The following TRIM26 variants were observed in gnomAD, a reference collection of about 807,000 sequenced individuals.
TRIM26 encodes the protein tripartite motif-containing protein 26.
In TRIM26, 16 loss-of-function variants were observed where a neutral mutation model predicts 45.5. The ratio of observed to expected loss-of-function variants is 0.35; its 90% CI spans 0.24 to 0.53. TRIM26 has a LOEUF of 0.53. Ranked by LOEUF, TRIM26 falls within the 20% of genes least tolerant of loss-of-function variation. The pLI is 0.92. For synonymous variants in TRIM26, 273 were observed against 290.4 expected (o/e 0.94, Z 0.61); for missense variants, 442 against 691.1 (o/e 0.64, Z 4.04).
rs1008764783 is a variant in TRIM26, at chr6:30,189,712, T to C, written c.789-179A>G. The C allele has an allele frequency of 5.7e-5, 37 of 645,256 alleles. No homozygotes were observed. Among genetic ancestry groups the C allele is most frequent in the African/African-American group, 1.1e-4 (6 of 54,828 alleles). The allele number at this position is 645,256 out of a possible 1,614,324, so 40.0% of individuals were successfully genotyped here. On this transcript the variant is annotated intron_variant, in intron 7 of 9. Coordinates refer to ENST00000454678, the MANE Select transcript of TRIM26 (RefSeq NM_003449.5). The surrounding 1 kb of genome is among the most constrained non-coding windows in gnomAD (Gnocchi z 5.0). ...CTGAACCAGGGCTTCAGAACATCAG[T>C]AGACTCCACATCCAGGGCGCTCTGT...
At position 30,209,070 on chromosome 6, in the gene TRIM26, T is replaced by A. The variant is rs1033747773; in HGVS notation, c.-376+4235A>T. Among the ~76,000 whole-genome samples, 15 of 152,220 alleles carry A rather than the reference T, an allele frequency of 9.9e-5. No homozygotes were observed. The highest frequency in any genetic ancestry group is 3.4e-4 in the African/African-American group (14 of 41,532). On this transcript the variant is annotated intron_variant, in intron 1 of 9. Transcript: ENST00000454678. This position sits in a 1 kb window ranked among gnomAD's most constrained non-coding sequence, Gnocchi z 4.8. Reference sequence around the variant, plus strand: ...AACCAGTAAATGTTGTAAATGTTTATCTTTGGGGAGAGAAGGGGAAGGGCC... The same window carrying A: ...AACCAGTAAATGTTGTAAATGTTTAACTTTGGGGAGAGAAGGGGAAGGGCC...
chr6:30,193,319 T>G (rs1305317510), intron 6 of TRIM26, among the ~76,000 whole-genome samples: 2 of 149,892 alleles, frequency 1.3e-5, no homozygotes, highest in Non-Finnish European at 3.0e-5. Context: ...GTAGCTGGGA[T>G]TATAGGTGCG....
At position 30,191,040 on chromosome 6, in the gene TRIM26, G is replaced by A. The variant is rs549594340; in HGVS notation, c.766-1005C>T. Among the ~76,000 whole-genome samples the A allele has an allele frequency of 3.9e-5, 6 of 152,268 alleles. No homozygotes were observed. The South Asian group carries it at 1.0e-3, about 26-fold the overall frequency. ...AGGTTGGTCCGGAGGCTTTTGCCGT[G>A]GACCAGGGGAGAGCTAAAGATGGCC... On this transcript the variant is annotated intron_variant, in intron 6 of 9. Transcript: ENST00000454678.
In TRIM26 at chr6:30,205,581, T is replaced by A. The variant is rs1372057494; in HGVS notation, c.-375-816A>T. On this transcript the variant is annotated intron_variant, in intron 1 of 9. Transcript: ENST00000454678. ...AGCCGGGCACGGGGGCTTGTGCCTG[T>A]AATTCCAGCACTGTGGGAGGCTAAG... is the stretch of plus-strand genomic sequence containing the variant. 2.0e-5 allele frequency among the ~76,000 whole-genome samples: 3 copies of A among 152,216 alleles called. No homozygotes were observed. In the East Asian group the frequency reaches 5.8e-4, roughly 29 times the overall value.
In TRIM26 at chr6:30,199,209, G is replaced by A; in HGVS notation, c.-106C>T. The A allele has an allele frequency of 8.6e-7, 1 of 1,157,980 alleles. No individual in the cohort carries two copies. Among genetic ancestry groups the A allele is most frequent in the Non-Finnish European group, 1.2e-6 (1 of 838,310 alleles). The allele number at this position is 1,157,980 out of a possible 1,614,324, so 71.7% of individuals were successfully genotyped here. A position where few individuals can be genotyped will look rare whatever the true frequency, so the allele number is the denominator to read the frequency against. ...GCACAGTAAAGGGGCAAAGGTGGCA[G>A]CCTGCACAGGGCTGCCAGCTCCAGC... On this transcript the variant is annotated 5_prime_UTR_variant, in exon 4 of 10. Transcript: ENST00000454678.
chr6:30,201,615 G>C (rs966293809), intron 2 of TRIM26, among the ~76,000 whole-genome samples: 3 of 152,164 alleles, frequency 2.0e-5, no homozygotes, highest in African/African-American at 7.2e-5. Flanking sequence ...GGAGGCCGAG[G>C]CAGGTGAATC....
At chr6:30,204,347 A>G (rs1190941188) in intron 2 of TRIM26, among the ~76,000 whole-genome samples, 2 of 152,192 alleles carry the variant, frequency 1.3e-5, no homozygotes, top group African/African-American at 4.8e-5. Flanking sequence ...GGTCATCTAC[A>G]TGGAAGGGCT....
At position 30,189,080 on chromosome 6, in the gene TRIM26, C is replaced by G; in HGVS notation, c.937+87G>C. On this transcript the variant is annotated intron_variant, in intron 9 of 9. Coordinates refer to ENST00000454678, the MANE Select transcript of TRIM26 (RefSeq NM_003449.5). This position sits in a 1 kb window ranked among gnomAD's most constrained non-coding sequence, Gnocchi z 5.0. ...TTCTTCCTGTTGCAAAAGGGGCTAC[C>G]TGGGGGAAAAGTGAGCAGTCAGAAT... 6.8e-7 allele frequency: 1 copy of G among 1,468,434 alleles called. No individual in the cohort carries two copies. The highest frequency in any genetic ancestry group is 1.3e-5 in the South Asian group (1 of 77,864). 91.0% of individuals were successfully genotyped at this position (1,468,434 alleles called of 1,614,324 possible).
In TRIM26 at chr6:30,193,182, A is replaced by ATTTT. The variant is rs59857727; in HGVS notation, c.766-3151_766-3148dup. ...TGTGTGTATATATATATATATATATATTTTTTTTTTTTTTTTTTTAATGGA... is the reference window on the plus strand; with the variant it reads ...TGTGTGTATATATATATATATATATATTTTTTTTTTTTTTTTTTTTTTTAATGGA... On this transcript the variant is annotated intron_variant, in intron 6 of 9. Coordinates refer to ENST00000454678, the MANE Select transcript of TRIM26 (RefSeq NM_003449.5). Among the ~76,000 whole-genome samples the ATTTT allele has an allele frequency of 3.4e-3, 130 of 38,794 alleles. 6 individuals carry two copies. The highest frequency in any genetic ancestry group is 5.7e-3 in the African/African-American group (47 of 8,182). 25.5% of individuals were successfully genotyped at this position (38,794 alleles called of 152,430 possible).
intron 5 of TRIM26, among the ~76,000 whole-genome samples, chr6:30,197,595 A>G (rs1296864290): frequency 6.6e-6 from 1 of 152,212 alleles, no homozygotes; most frequent in Non-Finnish European, 1.5e-5. Flanking sequence ...GTCCCTTGGT[A>G]TCAGTGGGTG....
chr6:30,208,458 C>T lies in TRIM26; in HGVS notation c.-375-3693G>A, dbSNP rs7775373. Among the ~76,000 whole-genome samples the T allele has an allele frequency of 6.4e-3, 972 of 151,778 alleles. 4 individuals carry two copies. Among genetic ancestry groups the T allele is most frequent in the Middle Eastern group, 0.028 (8 of 286 alleles). The stretch of plus-strand genomic sequence containing the variant: ...TTAGTTTTAGACCTAGGTATACACC[C>T]CATAAACAGAGTTTATTTTCTCAGG... On this transcript the variant is annotated intron_variant, in intron 1 of 9. Coordinates refer to ENST00000454678, the MANE Select transcript of TRIM26 (RefSeq NM_003449.5).
At chr6:30,197,305 G>C (rs780268008) in intron 5 of TRIM26, among the ~76,000 whole-genome samples, 4 of 152,148 alleles carry the variant, frequency 2.6e-5, no homozygotes, top group Non-Finnish European at 5.9e-5. Flanking sequence ...CCCCAGCTGG[G>C]GTTGGGGGAG....
At position 30,189,642 on chromosome 6, in the gene TRIM26, T is replaced by C; in HGVS notation, c.789-109A>G. On this transcript the variant is annotated intron_variant, in intron 7 of 9. Transcript: ENST00000454678. This position sits in a 1 kb window ranked among gnomAD's most constrained non-coding sequence, Gnocchi z 5.0. ...ATGAAGGGGAGAGGAAAGGTATGAT[T>C]ATCCCCAAACAAGTGACAGAAAAAC... 1 of 973,196 alleles carries C rather than the reference T, an allele frequency of 1.0e-6. No homozygotes were observed. The highest frequency in any genetic ancestry group is 1.6e-6 in the Non-Finnish European group (1 of 634,986). The allele number at this position is 973,196 out of a possible 1,614,324, so 60.3% of individuals were successfully genotyped here.
At chr6:30,212,503 T>C (rs11961294) in intron 1 of TRIM26, among the ~76,000 whole-genome samples, 4,654 of 152,298 alleles carry the variant, frequency 0.031, 107 homozygotes, top group African/African-American at 0.07. Flanking sequence ...TTGTACTATC[T>C]TCTCAATTCT....
intron 6 of TRIM26, among the ~76,000 whole-genome samples, chr6:30,195,432 G>A (rs1255031192): frequency 6.6e-6 from 1 of 152,080 alleles, no homozygotes; most frequent in Non-Finnish European, 1.5e-5. Flanking sequence ...GGACATCTGG[G>A]CTCAAGCTGT....
Position 30,189,144 on chromosome 6 carries a change from G to C in TRIM26, c.937+23C>G. The C allele has an allele frequency of 1.2e-6, 2 of 1,608,516 alleles. No homozygotes were observed. The highest frequency in any genetic ancestry group is 1.7e-6 in the Non-Finnish European group (2 of 1,178,656). ...GTTTTCTATATTTGATGTACATCTGGGAAACACCCTCTAGACACTCACCTG... is the reference window on the plus strand; with the variant it reads ...GTTTTCTATATTTGATGTACATCTGCGAAACACCCTCTAGACACTCACCTG... On this transcript the variant is annotated intron_variant, in intron 9 of 9. Transcript: ENST00000454678. This position sits in a 1 kb window ranked among gnomAD's most constrained non-coding sequence, Gnocchi z 5.0.
At chr6:30,187,930 AAAAAAAAG>A (rs1775366159) in intron 9 of TRIM26, among the ~76,000 whole-genome samples, 2 of 140,058 alleles carry the variant, frequency 1.4e-5, no homozygotes, top group African/African-American at 5.5e-5. Context: ...AAAAAAAAAA[AAAAAAAAG>A]GCCGGGCGCG....
chr6:30,198,960 C>T lies in TRIM26; in HGVS notation c.144G>A (p.Gly48=). 3.7e-6 allele frequency: 6 copies of T among 1,612,776 alleles called. No homozygotes were observed. The highest frequency in any genetic ancestry group is 3.4e-6 in the Non-Finnish European group (4 of 1,179,894). Residue 48 remains glycine (G), a synonymous_variant, in exon 4 of 10, where the codon GGG becomes GGA. Coordinates refer to ENST00000454678, the MANE Select transcript of TRIM26 (RefSeq NM_003449.5). This position sits in a 1 kb window ranked among gnomAD's most constrained non-coding sequence, Gnocchi z 6.3. The part of the protein sequence containing the change: ...SCTTDVRPIS[G]SRPVCPLCKK... ...TGCAGAGTGGGCAGACGGGGCGGCT[C>T]CCTGAGATGGGGCGGACGTCTGTGG...
intron 1 of TRIM26, among the ~76,000 whole-genome samples, chr6:30,212,181 T>C (rs920546310): frequency 1.1e-4 from 16 of 152,158 alleles, no homozygotes; most frequent in African/African-American, 3.9e-4. Flanking sequence ...GAGAAAAACA[T>C]CAAATTCCAA....
Sources: gnomAD v4.1 joint callset for allele counts (sites outside exome capture counted in the v4.1 genomes callset) on GRCh38, gnomAD v4.1.1 for gene constraint, Gnocchi (gnomAD v3.1) non-coding constraint, MANE v1.5 for transcripts, NCBI Gene and HGNC (gene_info 2026-07-23, HGNC 2026-07-21) for gene names.